The following SPG7 variants were observed in gnomAD, a reference collection of about 807,000 sequenced individuals.
The protein encoded by SPG7 is mitochondrial inner membrane m-AAA protease component paraplegin.
A neutral mutation model predicts 81.9 loss-of-function variants in SPG7; 103 were observed. That is an observed-to-expected ratio of 1.26 (90% CI 1.07 to 1.48). The LOEUF (loss-of-function observed/expected upper bound fraction) is 1.48, where lower values mean the gene tolerates loss of function less well. Among genes scored for constraint, SPG7 ranks in the 40% most tolerant of loss-of-function variants. The pLI is 0.00. For missense variants in SPG7, 1,241 were observed against 1,087.3 expected, an observed-to-expected ratio of 1.14 and a Z score of -1.99; for synonymous variants, 534 against 444.2, an observed-to-expected ratio of 1.20 and a Z score of -2.54.
At chr16:89,535,171 T>G (rs553593929) in intron 9 of SPG7, among the ~76,000 whole-genome samples, 9 of 152,296 alleles carry the variant, frequency 5.9e-5, no homozygotes, top group African/African-American at 1.9e-4. Context: ...GTGGTGTGCC[T>G]TGAGGTTTAC....
intron 3 of SPG7, chr16:89,518,881 A>T (rs1255096529): frequency 6.6e-6 from 1 of 152,176 alleles, no homozygotes. Context: ...AGCTTGGTGG[A>T]CCGTCGTGGT....
intron 12 of SPG7, chr16:89,549,301 T>C (rs758898540): frequency 3.2e-5 from 14 of 441,598 alleles, no homozygotes; most frequent in Non-Finnish European, 5.9e-5. Context: ...CTTACAGATG[T>C]GTGGAAAATC....
intron 2 of SPG7, among the ~76,000 whole-genome samples, chr16:89,511,775 C>G (rs2058026222): frequency 2.0e-5 from 3 of 151,984 alleles, no homozygotes; most frequent in Admixed American, 6.6e-5. Context: ...GCCCTGTTGC[C>G]CAGGTGCAAT....
At chr16:89,537,064 T>C (rs2152406077) in intron 9 of SPG7, 1 of 1,575,832 alleles carries the variant, frequency 6.3e-7, no homozygotes, top group East Asian at 2.3e-5. Flanking sequence ...AGGCCTCTTG[T>C]TGAGTGCCAG....
In SPG7 at chr16:89,508,405, C is replaced by A; in HGVS notation, c.-13C>A. The A allele has an allele frequency of 6.8e-7, 1 of 1,475,308 alleles. No individual in the cohort carries two copies. Among genetic ancestry groups the A allele is most frequent in the Non-Finnish European group, 8.9e-7 (1 of 1,119,338 alleles). The allele number at this position is 1,475,308 out of a possible 1,614,324, so 91.4% of individuals were successfully genotyped here. On this transcript the variant is annotated 5_prime_UTR_variant, in exon 1 of 17. Coordinates refer to ENST00000645818, the MANE Select transcript of SPG7 (RefSeq NM_003119.4). ...CGCCCCGCGGATCACGCAGGCGCGG[C>A]TTTCAGGCCAACATGGCCGTGCTGC...
chr16:89,536,476 G>GT (rs1567918756), intron 9 of SPG7, among the ~76,000 whole-genome samples: 2 of 60,408 alleles, frequency 3.3e-5, no homozygotes. Flanking sequence ...GGCGGGTGAG[G>GT]CGGGTGAGGT....
rs3935626 is a variant in SPG7 at position 89,526,282 on chromosome 16, G to A, written c.619-47G>A. ...CTCTCTGTTGACTGTAGGGTTGCTCGTCTGTCCCTGCGTTTCTCATGGTCC... is the reference window on the plus strand; with the variant it reads ...CTCTCTGTTGACTGTAGGGTTGCTCATCTGTCCCTGCGTTTCTCATGGTCC... On this transcript the variant is annotated intron_variant, in intron 4 of 16. Transcript: ENST00000645818. 281,938 of 1,611,328 alleles carry A rather than the reference G, an allele frequency of 0.17. 26,618 individuals carry two copies. Among genetic ancestry groups the A allele is most frequent in the Middle Eastern group, 0.2 (1,066 of 5,278 alleles).
chr16:89,535,803 C>T (rs1313457710), intron 9 of SPG7, among the ~76,000 whole-genome samples: 1 of 152,234 alleles, frequency 6.6e-6, no homozygotes, highest in African/African-American at 2.4e-5. Context: ...TGCTTCTCTG[C>T]AGAGCATCTT....
chr16:89,555,860 C>T lies in SPG7; in HGVS notation c.2182-1027C>T, dbSNP rs187456018. 1.9e-3 allele frequency: 766 copies of T among 398,680 alleles called. 2 individuals are homozygous for T. Among genetic ancestry groups the T allele is most frequent in the Middle Eastern group, 6.3e-3 (10 of 1,588 alleles). The allele number at this position is 398,680 out of a possible 1,614,324, so 24.7% of individuals were successfully genotyped here. A position where few individuals can be genotyped will look rare whatever the true frequency, so the allele number is the denominator to read the frequency against. On this transcript the variant is annotated intron_variant, in intron 16 of 16. Transcript: ENST00000645818. The stretch of plus-strand genomic sequence containing the variant: ...GGATAGGTAGTTGTTTCTTCAGCCT[C>T]CCCTTGTGTCTTTCAAGCGAGCACT...
intron 6 of SPG7, chr16:89,530,082 TC>T: frequency 7.4e-6 from 2 of 268,548 alleles, no homozygotes; most frequent in East Asian, 9.9e-5. Flanking sequence ...CAGGTGATCC[TC>T]CCGCCTCAGC....
At chr16:89,509,067 C>CAT (rs2152393174) in intron 1 of SPG7, 3 of 417,138 alleles carry the variant, frequency 7.2e-6, no homozygotes, top group African/African-American at 2.0e-5. Context: ...TTGCTGTTGT[C>CAT]ATGTAGCTCG....
chr16:89,539,502 A>C (rs1407904817), intron 9 of SPG7: 1 of 152,206 alleles, frequency 6.6e-6, no homozygotes, highest in Admixed American at 6.5e-5. Context: ...CTCCTTCTCA[A>C]AAAAACAAAT....
At chr16:89,545,659 GGCTTCTCCAGGGGAGGGCA>G (rs886162933) in intron 10 of SPG7, 52 of 262,400 alleles carry the variant, frequency 2.0e-4, no homozygotes, top group Middle Eastern at 1.5e-3. Context: ...CAGGGGACAC[GGCTTCTCCAGGGGAGGGCA>G]GCTTCTCCAG....
intron 5 of SPG7, 107 bp downstream of exon 5, chr16:89,526,575 C>G (rs1296640664): frequency 1.3e-5 from 17 of 1,264,738 alleles, no homozygotes; most frequent in Middle Eastern, 1.9e-4. Context: ...CTATAGTTAA[C>G]TAGACTTTTT....
Position 89,552,788 on chromosome 16 carries a change from G to T in SPG7, c.1780-191G>T, listed in dbSNP as rs2058649308. On this transcript the variant is annotated intron_variant, in intron 13 of 16. Transcript: ENST00000645818. Reference sequence around the variant, plus strand: ...CCCGGCAGTGTGTGAACAGGCACCTGTGGTGGGAACGCTGCTGTCTCTGGG... The same window carrying T: ...CCCGGCAGTGTGTGAACAGGCACCTTTGGTGGGAACGCTGCTGTCTCTGGG... 5 of 636,816 alleles carry T rather than the reference G, an allele frequency of 7.9e-6. No individual in the cohort carries two copies. In the African/African-American group the frequency reaches 9.0e-5, roughly 11 times the overall value. The allele number at this position is 636,816 out of a possible 1,614,324, so 39.4% of individuals were successfully genotyped here.
At chr16:89,530,305 C>T (rs1224242508) in intron 6 of SPG7, 11 of 345,616 alleles carry the variant, frequency 3.2e-5, no homozygotes, top group Non-Finnish European at 5.1e-5. Flanking sequence ...CCACCACACC[C>T]AGCTAATTTT....
intron 3 of SPG7, 150 bp from the exon 4 acceptor site, chr16:89,523,856 C>A: frequency 1.0e-6 from 1 of 1,003,400 alleles, no homozygotes; most frequent in South Asian, 1.4e-5. Context: ...TCTCTGATAA[C>A]GTCAGGGAAG....
chr16:89,556,990 G>A lies in SPG7; in HGVS notation c.2285G>A (p.Arg762Lys), dbSNP rs2058693774. The A allele has an allele frequency of 6.2e-7, 1 of 1,614,044 alleles. No homozygotes were observed. The highest frequency in any genetic ancestry group is 8.5e-7 in the Non-Finnish European group (1 of 1,180,038). Residue 762 changes from arginine (R) to lysine (K), a missense_variant, in exon 17 of 17, where the codon AGG becomes AAG. Physicochemically the swap from Arg to Lys is conservative, Grantham distance 26. Coordinates refer to ENST00000645818, the MANE Select transcript of SPG7 (RefSeq NM_003119.4). Reference protein sequence around the residue: ...HGPKKMIAPQRWIDAQREKQD... With the variant: ...HGPKKMIAPQKWIDAQREKQD... ...CCGAAGAAAATGATCGCACCGCAGA[G>A]GTGGATCGACGCCCAGAGGGAGAAA...
At chr16:89,513,261 G>A (rs541082412) in intron 3 of SPG7, among the ~76,000 whole-genome samples, 15 of 152,286 alleles carry the variant, frequency 9.8e-5, no homozygotes, top group African/African-American at 3.1e-4. Context: ...AAGGCTGGGC[G>A]TGGTGGCTCA....
Sources: allele counts gnomAD v4.1 joint callset (sites outside exome capture counted in the v4.1 genomes callset), GRCh38; gene constraint gnomAD v4.1.1; transcripts MANE v1.5; gene names NCBI Gene and HGNC (gene_info 2026-07-23, HGNC 2026-07-21).